The following TRRAP variants were observed in gnomAD, a reference collection of about 807,000 sequenced individuals.
The protein encoded by TRRAP is transformation/transcription domain associated protein.
TRRAP carries 41 observed loss-of-function variants against 438.8 expected under a neutral mutation model. That is an observed-to-expected ratio of 0.09 (90% confidence interval 0.07 to 0.12). The LOEUF (loss-of-function observed/expected upper bound fraction) is 0.12. TRRAP is among the 10% of genes least tolerant of loss of function. TRRAP has a pLI of 1.00. For synonymous variants in TRRAP, 1,994 were observed against 1,962.9 expected (o/e 1.02, Z -0.42); for missense variants, 3,122 against 5,055.1 (o/e 0.62, Z 11.60).
chr7:98,978,621 C>A, intron 57 of TRRAP, 148 bp from the exon 58 acceptor site: 1 of 1,171,084 alleles, frequency 8.5e-7, no homozygotes, highest in Non-Finnish European at 1.2e-6. Context: ...CACAATGGAG[C>A]ACACCTCCAT....
At chr7:99,008,014 C>A (rs575900716) in intron 69 of TRRAP, among the ~76,000 whole-genome samples, 1 of 151,400 alleles carries the variant, frequency 6.6e-6, no homozygotes, top group African/African-American at 2.4e-5. Context: ...TTAGTAGAGA[C>A]GAGGTTTCAC....
intron 30 of TRRAP, among the ~76,000 whole-genome samples, chr7:98,938,590 T>C (rs938348254): frequency 2.0e-5 from 3 of 152,204 alleles, no homozygotes; most frequent in African/African-American, 7.2e-5. Flanking sequence ...GCTTTTCCCA[T>C]TTAACAGCCA....
At chr7:98,914,484 TGC>T (rs1789426181) in intron 18 of TRRAP, among the ~76,000 whole-genome samples, 4 of 152,104 alleles carry the variant, frequency 2.6e-5, no homozygotes, top group African/African-American at 7.2e-5. Flanking sequence ...TTCATTTTTT[TGC>T]CAGCATTAGA....
At chr7:99,006,090 CAAATAGCTGAT>C (rs1478413486) in intron 69 of TRRAP, among the ~76,000 whole-genome samples, 1 of 152,194 alleles carries the variant, frequency 6.6e-6, no homozygotes, top group Non-Finnish European at 1.5e-5. Flanking sequence ...CAGGGGGACA[CAAATAGCTGAT>C]AAGCAACCTC....
At chr7:98,900,173 G>T (rs1554406410) in intron 10 of TRRAP, among the ~76,000 whole-genome samples, 1 of 151,960 alleles carries the variant, frequency 6.6e-6, no homozygotes, top group East Asian at 1.9e-4. Flanking sequence ...AAGCCTCTCG[G>T]TGAAGCCTTT....
chr7:98,911,317 G>C, intron 17 of TRRAP, 46 bp downstream of exon 17: 3 of 1,495,732 alleles, frequency 2.0e-6, no homozygotes, highest in Non-Finnish European at 2.7e-6. Flanking sequence ...ACAATTCTTT[G>C]TTTATGTCTT....
At chr7:98,919,256 T>G (rs1554410082) in intron 20 of TRRAP, among the ~76,000 whole-genome samples, 1 of 152,088 alleles carries the variant, frequency 6.6e-6, no homozygotes, top group Non-Finnish European at 1.5e-5. Context: ...TTGGGATATT[T>G]TCCCTCCCTG....
At chr7:98,893,952 G>C (rs1554405368) in intron 6 of TRRAP, 71 bp downstream of exon 6, 21 of 1,497,106 alleles carry the variant, frequency 1.4e-5, no homozygotes, top group Non-Finnish European at 1.8e-6. Context: ...ATTTTTTGCT[G>C]TCTCAAAGTT....
chr7:98,915,599 C>T (rs1438155778), intron 18 of TRRAP, 124 bp from the exon 19 acceptor site: 3 of 1,227,958 alleles, frequency 2.4e-6, no homozygotes, highest in African/African-American at 1.5e-5. Flanking sequence ...GGTTTTTTCC[C>T]TTTGGAGTAA....
intron 59 of TRRAP, 122 bp downstream of exon 59, chr7:98,982,082 G>T (rs1792956186): frequency 6.9e-6 from 7 of 1,012,752 alleles, no homozygotes; most frequent in Non-Finnish European, 4.0e-6. Context: ...TGCTTGTCTT[G>T]TCCTCTCCCA....
At chr7:98,936,228 T>C (rs1361449559) in intron 28 of TRRAP, among the ~76,000 whole-genome samples, 6 of 152,240 alleles carry the variant, frequency 3.9e-5, no homozygotes, top group African/African-American at 1.4e-4. Context: ...TCCTGCTTTG[T>C]TGATTTTTAT....
chr7:98,946,679 A>G (rs2038814509), intron 33 of TRRAP, among the ~76,000 whole-genome samples: 1 of 152,086 alleles, frequency 6.6e-6, no homozygotes, highest in South Asian at 2.1e-4. Flanking sequence ...ACATGCACAC[A>G]TACCACACAT....
chr7:98,955,420 T>C lies in TRRAP; in HGVS notation c.5937+116T>C, dbSNP rs1427747600. 3.7e-6 allele frequency: 4 copies of C among 1,088,542 alleles called. No individual in the cohort carries two copies. The African/African-American group carries it at 4.7e-5, about 13-fold the overall frequency. The allele number at this position is 1,088,542 out of a possible 1,614,324, so 67.4% of individuals were successfully genotyped here. A position where few individuals can be genotyped will look rare whatever the true frequency, so the allele number is the denominator to read the frequency against. ...GTCGTTCATCTTTTAGTAAGGCTACTTCTGGTTCATTGATTAGTTTGTGTA... is the reference window on the plus strand; with the variant it reads ...GTCGTTCATCTTTTAGTAAGGCTACCTCTGGTTCATTGATTAGTTTGTGTA... On this transcript the variant is annotated intron_variant, in intron 41 of 72. Transcript: ENST00000456197.
At chr7:98,960,389 C>G (rs759234916) in intron 45 of TRRAP, among the ~76,000 whole-genome samples, 2 of 152,126 alleles carry the variant, frequency 1.3e-5, no homozygotes, top group African/African-American at 4.8e-5. Context: ...GATTATAAAA[C>G]CTATTGCAAG....
intron 21 of TRRAP, among the ~76,000 whole-genome samples, chr7:98,924,865 G>C (rs190553879): frequency 7.3e-5 from 11 of 151,258 alleles, no homozygotes; most frequent in African/African-American, 2.2e-4. Flanking sequence ...TTAGCTGGGC[G>C]TGGTGGCGGG....
intron 17 of TRRAP, among the ~76,000 whole-genome samples, 185 bp from the exon 18 acceptor site, chr7:98,911,837 T>C (rs1478521512): frequency 6.6e-6 from 1 of 152,134 alleles, no homozygotes; most frequent in Non-Finnish European, 1.5e-5. Context: ...GATTACATCA[T>C]TGAAGTGAAC....
intron 70 of TRRAP, among the ~76,000 whole-genome samples, chr7:99,010,335 T>C (rs1794374461): frequency 6.6e-6 from 1 of 152,240 alleles, no homozygotes; most frequent in Non-Finnish European, 1.5e-5. Context: ...TGGAACTCCT[T>C]TGCAGTCTCA....
chr7:99,011,881 G>A lies in TRRAP; in HGVS notation c.11338-190G>A, dbSNP rs1242655864. 6.6e-6 allele frequency among the ~76,000 whole-genome samples: 1 copy of A among 152,246 alleles called. No homozygotes were observed. Among genetic ancestry groups the A allele is most frequent in the Non-Finnish European group, 1.5e-5 (1 of 68,042 alleles). On this transcript the variant is annotated intron_variant, in intron 72 of 72. Transcript: ENST00000456197. This position sits in a 1 kb window ranked among gnomAD's most constrained non-coding sequence, Gnocchi z 7.1. ...CCTTCTGGCTGCTGCTCCAAGTGGAGGAAGGGGTTTGTCCCCCAGCGGCTT... is the reference window on the plus strand; with the variant it reads ...CCTTCTGGCTGCTGCTCCAAGTGGAAGAAGGGGTTTGTCCCCCAGCGGCTT...
At position 98,952,437 on chromosome 7, in the gene TRRAP, G is replaced by A. The variant is rs186701812; in HGVS notation, c.5464-730G>A. On this transcript the variant is annotated intron_variant, in intron 39 of 72. Transcript: ENST00000456197. ...AAGAAACTCAGTCCTAAATCACCTCGAATCAAAGAGGTCTTCTTTTCCACC... is the reference window on the plus strand; with the variant it reads ...AAGAAACTCAGTCCTAAATCACCTCAAATCAAAGAGGTCTTCTTTTCCACC... Among the ~76,000 whole-genome samples the A allele has an allele frequency of 1.5e-3, 230 of 152,182 alleles. 2 individuals carry two copies. The highest frequency in any genetic ancestry group is 2.1e-3 in the Non-Finnish European group (140 of 68,006).
Sources: gnomAD v4.1 joint callset for allele counts (sites outside exome capture counted in the v4.1 genomes callset) on GRCh38, gnomAD v4.1.1 for gene constraint, Gnocchi (gnomAD v3.1) non-coding constraint, MANE v1.5 for transcripts, NCBI Gene and HGNC (gene_info 2026-07-23, HGNC 2026-07-21) for gene names.